MAML3: variants seen among roughly 807,000 people sequenced by gnomAD.
The protein encoded by MAML3 is mastermind like transcriptional coactivator 3.
MAML3 carries 27 observed loss-of-function variants against 101.9 expected under a neutral mutation model. The observed-to-expected ratio is 0.27, with a 90% CI of 0.20 to 0.37. MAML3 has a LOEUF of 0.37. Among genes scored for constraint, MAML3 ranks in the 10% least tolerant of loss-of-function variants. The pLI is 1.00. For synonymous variants in MAML3, 501 were observed against 555.9 expected (o/e 0.90, Z 1.39); for missense variants, 1,316 against 1,444.9 (o/e 0.91, Z 1.45).
At chr4:140,033,348 G>A (rs1028711640) in intron 1 of MAML3, among the ~76,000 whole-genome samples, 1 of 152,134 alleles carries the variant, frequency 6.6e-6, no homozygotes, top group Non-Finnish European at 1.5e-5. Context: ...AGAAGCTCAC[G>A]CAAAACCTGA....
intron 4 of MAML3, among the ~76,000 whole-genome samples, chr4:139,722,415 CT>C (rs1728273115): frequency 6.6e-6 from 1 of 152,084 alleles, no homozygotes; most frequent in Non-Finnish European, 1.5e-5. Context: ...AAGGAATTAA[CT>C]TGTCTTTACA....
At chr4:139,995,891 T>G (rs1219470762) in intron 1 of MAML3, among the ~76,000 whole-genome samples, 1 of 152,110 alleles carries the variant, frequency 6.6e-6, no homozygotes, top group Non-Finnish European at 1.5e-5. Flanking sequence ...GTTATTTACT[T>G]GATACCATTT....
intron 1 of MAML3, among the ~76,000 whole-genome samples, chr4:139,951,935 G>A (rs548945630): frequency 5.3e-5 from 8 of 152,166 alleles, no homozygotes; most frequent in South Asian, 4.1e-4. Flanking sequence ...AGGCTGAAGC[G>A]GGCAGATCAC....
intron 3 of MAML3, 125 bp from the exon 4 acceptor site, chr4:139,725,960 T>C: frequency 1.3e-6 from 1 of 749,940 alleles, no homozygotes; most frequent in Non-Finnish European, 2.3e-6. Flanking sequence ...TGAAGAATCA[T>C]ATGCATACAG....
intron 1 of MAML3, among the ~76,000 whole-genome samples, chr4:139,946,037 A>C (rs922259000): frequency 1.3e-5 from 2 of 152,214 alleles, no homozygotes; most frequent in African/African-American, 4.8e-5. Context: ...GTTTCCCCAA[A>C]TGGTATGATG....
At chr4:139,968,685 T>A (rs1266179673) in intron 1 of MAML3, among the ~76,000 whole-genome samples, 2 of 152,192 alleles carry the variant, frequency 1.3e-5, no homozygotes, top group Non-Finnish European at 2.9e-5. Flanking sequence ...TCAAGTACTC[T>A]GCCACCTTGA....
chr4:139,824,050 G>A (rs978326930), intron 2 of MAML3, among the ~76,000 whole-genome samples: 1 of 152,108 alleles, frequency 6.6e-6, no homozygotes, highest in Non-Finnish European at 1.5e-5. Context: ...TGAGGAGGAA[G>A]TAAAATATAT....
chr4:140,045,440 G>C (rs1658639264), intron 1 of MAML3, among the ~76,000 whole-genome samples: 1 of 149,832 alleles, frequency 6.7e-6, no homozygotes. Flanking sequence ...GTGTTCTAGT[G>C]CCTGTTTTTG....
intron 1 of MAML3, among the ~76,000 whole-genome samples, chr4:140,056,046 T>C (rs927248114): frequency 2.1e-4 from 32 of 152,120 alleles, no homozygotes; most frequent in Non-Finnish European, 3.4e-4. Context: ...GTGTGTGGCA[T>C]TAGAAGTAAG....
chr4:139,791,807 G>C (rs1194032225), intron 2 of MAML3, among the ~76,000 whole-genome samples: 3 of 152,152 alleles, frequency 2.0e-5, no homozygotes, highest in Non-Finnish European at 2.9e-5. Flanking sequence ...TTGTATTCTA[G>C]CCAGTTGTTC....
chr4:139,949,543 A>G (rs1160796417), intron 1 of MAML3, among the ~76,000 whole-genome samples: 2 of 152,366 alleles, frequency 1.3e-5, no homozygotes, highest in Non-Finnish European at 1.5e-5. Context: ...CTTGTAACAT[A>G]ACTTTTATTC....
chr4:139,754,927 A>G (rs1729613619), intron 2 of MAML3, among the ~76,000 whole-genome samples: 1 of 152,228 alleles, frequency 6.6e-6, no homozygotes, highest in South Asian at 2.1e-4. Context: ...TCCCAGGAGC[A>G]GGCATGGTCG....
chr4:139,911,038 A>G (rs1346151671), intron 1 of MAML3, among the ~76,000 whole-genome samples: 1 of 151,734 alleles, frequency 6.6e-6, no homozygotes, highest in African/African-American at 2.4e-5. Context: ...TCATGAAACA[A>G]CTCCTCATCC....
chr4:139,911,091 T>C (rs1396896212), intron 1 of MAML3, among the ~76,000 whole-genome samples: 1 of 152,232 alleles, frequency 6.6e-6, no homozygotes, highest in East Asian at 1.9e-4. Context: ...CTACTTTCTG[T>C]CTCTATGAAT....
chr4:140,080,394 T>A (rs567390787), intron 1 of MAML3, among the ~76,000 whole-genome samples: 1 of 152,356 alleles, frequency 6.6e-6, no homozygotes, highest in East Asian at 1.9e-4. Context: ...TCTCATCCTT[T>A]AAACGGTAAT....
chr4:140,021,855 A>C (rs184319745), intron 1 of MAML3, among the ~76,000 whole-genome samples: 2 of 152,232 alleles, frequency 1.3e-5, no homozygotes, highest in Non-Finnish European at 2.9e-5. Context: ...ACCCCACTCC[A>C]TCAGCACTGT....
At chr4:139,858,452 C>CTTTTTTTTTTTTTTT (rs59968954) in intron 2 of MAML3, among the ~76,000 whole-genome samples, 1 of 131,388 alleles carries the variant, frequency 7.6e-6, no homozygotes, top group Non-Finnish European at 1.6e-5. Flanking sequence ...TGATTCTTGG[C>CTTTTTTTTTTTTTTT]TTTTTTTTTT....
At chr4:139,852,588 G>A (rs868144692) in intron 2 of MAML3, among the ~76,000 whole-genome samples, 1 of 151,390 alleles carries the variant, frequency 6.6e-6, no homozygotes, top group Non-Finnish European at 1.5e-5. Flanking sequence ...AATTTTTTTC[G>A]TAGTTTTGTA....
chr4:140,151,694 G>C (rs1013380015), intron 1 of MAML3, among the ~76,000 whole-genome samples: 1 of 149,998 alleles, frequency 6.7e-6, no homozygotes, highest in South Asian at 2.2e-4. Context: ...GCGGTGCGGG[G>C]GGGGGGGGCA....
Sources: allele counts gnomAD v4.1 joint callset (sites outside exome capture counted in the v4.1 genomes callset), GRCh38; gene constraint gnomAD v4.1.1; transcripts MANE v1.5; gene names NCBI Gene and HGNC (gene_info 2026-07-23, HGNC 2026-07-21).